Variants in RBMS3 observed in about 807,000 individuals in gnomAD.
RBMS3 encodes the protein RNA binding motif single stranded interacting protein 3.
A neutral mutation model predicts 66.8 loss-of-function variants in RBMS3; 27 were observed. The ratio of observed to expected loss-of-function variants is 0.40; its 90% CI spans 0.30 to 0.56. The LOEUF is 0.56. Among genes scored for constraint, RBMS3 ranks in the 20% least tolerant of loss-of-function variants. The pLI is 0.40. For missense variants in RBMS3, 513 were observed against 549.5 expected (o/e 0.93, Z 0.66); for synonymous variants, 188 against 183.0 (o/e 1.03, Z -0.22).
At chr3:29,411,901 T>C (rs1236817852) in intron 1 of RBMS3, among the ~76,000 whole-genome samples, 2 of 152,186 alleles carry the variant, frequency 1.3e-5, no homozygotes, top group African/African-American at 2.4e-5. Flanking sequence ...GAATGCCCCA[T>C]GTCTGTCAAA....
chr3:29,312,861 T>G (rs955558001), intron 1 of RBMS3, among the ~76,000 whole-genome samples: 24 of 151,720 alleles, frequency 1.6e-4, no homozygotes, highest in African/African-American at 4.6e-4. Flanking sequence ...CTTTTGCCTT[T>G]GATCTGCTCT....
intron 4 of RBMS3, among the ~76,000 whole-genome samples, chr3:29,640,034 C>T (rs2049637783): frequency 6.6e-6 from 1 of 151,838 alleles, no homozygotes; most frequent in South Asian, 2.1e-4. Flanking sequence ...AGGAAGCATG[C>T]TCTGGAAGGG....
chr3:29,383,338 A>G (rs544736846), intron 1 of RBMS3, among the ~76,000 whole-genome samples: 5 of 152,316 alleles, frequency 3.3e-5, no homozygotes, highest in African/African-American at 7.2e-5. Context: ...TACAATGCAG[A>G]GCTGTCCTTT....
chr3:29,939,969 T>C (rs1163786623), intron 11 of RBMS3, among the ~76,000 whole-genome samples: 1 of 151,814 alleles, frequency 6.6e-6, no homozygotes, highest in African/African-American at 2.4e-5. Flanking sequence ...GTTCCTCTTG[T>C]GTGTTTCTGC....
At chr3:29,642,007 A>G (rs1310722803) in intron 4 of RBMS3, among the ~76,000 whole-genome samples, 1 of 152,144 alleles carries the variant, frequency 6.6e-6, no homozygotes, top group Non-Finnish European at 1.5e-5. Flanking sequence ...GACATTTCTT[A>G]GGCATTTTAT....
chr3:29,944,168 A>ATTTTATT, intron 11 of RBMS3, 39 bp from the exon 12 acceptor site: 1 of 1,522,550 alleles, frequency 6.6e-7, no homozygotes, highest in Non-Finnish European at 9.1e-7. Context: ...TTTCTTTTGT[A>ATTTTATT]CTTCATTGCA....
In RBMS3 at chr3:29,587,179, A is replaced by C; in HGVS notation, c.373A>C (p.Asn125His). 6.3e-7 allele frequency: 1 copy of C among 1,581,014 alleles called. No individual in the cohort carries two copies. ...GAAAGCGGTAGCATCTCTCAAGGCA[A>C]ATGGCGTGCAGGCACAGATGGCTAA... is the stretch of plus-strand genomic sequence containing the variant. ...AQKAVASLKA[N>H]GVQAQMAKQQ... The change falls in exon 4 of 15, where the codon AAT becomes CAT. Residue 125 changes from asparagine to histidine, a missense_variant. Coordinates refer to ENST00000383767, the MANE Select transcript of RBMS3 (RefSeq NM_001003793.3).
intron 10 of RBMS3, among the ~76,000 whole-genome samples, chr3:29,908,312 TCTGA>T (rs557205388): frequency 3.0e-4 from 45 of 152,038 alleles, no homozygotes; most frequent in Admixed American, 2.4e-3. Flanking sequence ...CATGAAGAAC[TCTGA>T]CTGTTGCATA....
intron 6 of RBMS3, among the ~76,000 whole-genome samples, chr3:29,851,703 C>G (rs1194853005): frequency 6.6e-6 from 1 of 152,156 alleles, no homozygotes; most frequent in African/African-American, 2.4e-5. Flanking sequence ...ATATACCAAG[C>G]AGGGCCACAT....
chr3:29,687,269 G>A (rs1440504), intron 4 of RBMS3, among the ~76,000 whole-genome samples: 1 of 152,006 alleles, frequency 6.6e-6, no homozygotes, highest in Admixed American at 6.5e-5. Flanking sequence ...GAACAGCCAG[G>A]TTTCTGTTTA....
intron 6 of RBMS3, chr3:29,766,460 T>C (rs1490973412): frequency 6.6e-6 from 1 of 151,986 alleles, no homozygotes; most frequent in African/African-American, 2.4e-5. Context: ...CCATTTCGAT[T>C]TGAGCCATTG....
intron 3 of RBMS3, among the ~76,000 whole-genome samples, chr3:29,582,193 G>GATAGAT (rs1180539257): frequency 6.8e-6 from 1 of 147,704 alleles, no homozygotes; most frequent in East Asian, 2.0e-4. Context: ...TAGATAGATA[G>GATAGAT]ATACACACAC....
intron 4 of RBMS3, among the ~76,000 whole-genome samples, chr3:29,708,039 G>T (rs2052988722): frequency 6.6e-6 from 1 of 152,168 alleles, no homozygotes; most frequent in Non-Finnish European, 1.5e-5. Context: ...AGGGCTGATT[G>T]CACCTTCCGT....
At chr3:29,541,211 C>A (rs191920499) in intron 3 of RBMS3, among the ~76,000 whole-genome samples, 2 of 152,114 alleles carry the variant, frequency 1.3e-5, no homozygotes, top group Non-Finnish European at 2.9e-5. Flanking sequence ...AAAATGTATT[C>A]GGAGCTCAGA....
At chr3:29,800,130 T>C (rs2057341857) in intron 6 of RBMS3, among the ~76,000 whole-genome samples, 1 of 152,206 alleles carries the variant, frequency 6.6e-6, no homozygotes, top group African/African-American at 2.4e-5. Context: ...GCTGGTCTGA[T>C]ACAGTGCAGG....
chr3:29,395,332 T>C (rs1235671807), intron 1 of RBMS3, among the ~76,000 whole-genome samples: 1 of 152,222 alleles, frequency 6.6e-6, no homozygotes, highest in Non-Finnish European at 1.5e-5. Flanking sequence ...TGTGTGAGTG[T>C]GTTTTATGTA....
intron 7 of RBMS3, among the ~76,000 whole-genome samples, chr3:29,875,174 T>C (rs1165281902): frequency 6.6e-6 from 1 of 152,142 alleles, no homozygotes; most frequent in African/African-American, 2.4e-5. Context: ...GAGTTGTTGG[T>C]AGTGTCCTGG....
intron 4 of RBMS3, among the ~76,000 whole-genome samples, chr3:29,736,324 T>A (rs1176990632): frequency 6.6e-6 from 1 of 152,220 alleles, no homozygotes; most frequent in Non-Finnish European, 1.5e-5. Context: ...GTTGGCCTTG[T>A]TGTTTGAATT....
chr3:29,917,117 T>C (rs1345027659), intron 10 of RBMS3, among the ~76,000 whole-genome samples: 1 of 152,044 alleles, frequency 6.6e-6, no homozygotes, highest in African/African-American at 2.4e-5. Flanking sequence ...TGCCATTCTA[T>C]ATTCAGTTAG....
Sources: gnomAD v4.1 joint callset for allele counts (sites outside exome capture counted in the v4.1 genomes callset) on GRCh38, gnomAD v4.1.1 for gene constraint, MANE v1.5 for transcripts, NCBI Gene and HGNC (gene_info 2026-07-23, HGNC 2026-07-21) for gene names.